MTPAP: variants seen among roughly 807,000 people sequenced by gnomAD.
The protein encoded by MTPAP is poly(A) RNA polymerase, mitochondrial.
MTPAP carries 23 observed loss-of-function variants against 48.7 expected under a neutral mutation model. That is an observed-to-expected ratio of 0.47 (90% CI 0.34 to 0.67). The LOEUF (loss-of-function observed/expected upper bound fraction) is 0.67. Among genes scored for constraint, MTPAP ranks in the 30% least tolerant of loss-of-function variants. The probability of loss-of-function intolerance (pLI) is 0.01; values close to 1 mark genes in which losing one functional copy is unlikely to be tolerated. For missense variants in MTPAP, 614 were observed against 694.3 expected, an observed-to-expected ratio of 0.88 and a Z score of 1.30; for synonymous variants, 257 against 254.1, an observed-to-expected ratio of 1.01 and a Z score of -0.11.
intron 3 of MTPAP, among the ~76,000 whole-genome samples, chr10:30,339,428 A>G (rs554197628): frequency 6.6e-6 from 1 of 151,056 alleles, no homozygotes; most frequent in African/African-American, 2.4e-5. Flanking sequence ...AGTTGCAGTA[A>G]GCCAAGATCA....
rs551413502 is a variant in MTPAP at position 30,331,652 on chromosome 10, C to T, written c.781-5017G>A. ...CGCAATCTCGGCTCACTACAACCTC[C>T]GCCTCCTGGGTTCAAGCGATTCTCC... On this transcript the variant is annotated intron_variant, in intron 4 of 8. Coordinates refer to ENST00000263063, the MANE Select transcript of MTPAP (RefSeq NM_018109.4). Among the ~76,000 whole-genome samples the T allele has an allele frequency of 2.4e-3, 362 of 152,234 alleles. 3 individuals are homozygous for T. Among genetic ancestry groups the T allele is most frequent in the Non-Finnish European group, 2.2e-3 (152 of 68,006 alleles).
At position 30,316,509 on chromosome 10, in the gene MTPAP, A is replaced by C. The variant is rs557162110; in HGVS notation, c.1220-299T>G. Among the ~76,000 whole-genome samples the C allele has an allele frequency of 5.3e-5, 8 of 150,484 alleles. No individual in the cohort carries two copies. In the East Asian group the frequency reaches 1.6e-3, roughly 30 times the overall value. ...CCACCCACCTCATCCTCCCAAAGTG[A>C]GGGGATTACAGGCGTGAGCCACCGC... On this transcript the variant is annotated intron_variant, in intron 6 of 8. Coordinates refer to ENST00000263063, the MANE Select transcript of MTPAP (RefSeq NM_018109.4).
intron 4 of MTPAP, among the ~76,000 whole-genome samples, chr10:30,332,166 T>C (rs560567998): frequency 1.0e-4 from 16 of 152,384 alleles, no homozygotes; most frequent in South Asian, 6.2e-4. Context: ...TTATTTTTAA[T>C]ATTTTTACTA....
intron 5 of MTPAP, among the ~76,000 whole-genome samples, chr10:30,324,157 TG>T (rs1377666198): frequency 6.6e-6 from 1 of 151,918 alleles, no homozygotes; most frequent in Non-Finnish European, 1.5e-5. Flanking sequence ...GCTTCAGTCT[TG>T]GCGACAGAGT....
Position 30,312,874 on chromosome 10 carries a change from A to G in MTPAP, c.*735T>C, listed in dbSNP as rs571704253. 62 of 152,314 alleles carry G rather than the reference A, an allele frequency of 4.1e-4. No homozygotes were observed. Among genetic ancestry groups the G allele is most frequent in the Admixed American group, 2.7e-3 (41 of 15,308 alleles). The allele number at this position is 152,314 out of a possible 1,614,324, so 9.4% of individuals were successfully genotyped here. On this transcript the variant is annotated 3_prime_UTR_variant, in exon 9 of 9. Transcript: ENST00000263063. ...TTTTTGAAAATAGAAAAATCAAACA[A>G]TATTTTTAAAATGCAATCTATTGAT...
At position 30,313,743 on chromosome 10, in the gene MTPAP, TTC is replaced by T; in HGVS notation, c.1613_1614del (p.Arg538LysfsTer10). 6.2e-7 allele frequency: 1 copy of T among 1,614,234 alleles called. No individual in the cohort carries two copies. Among genetic ancestry groups the T allele is most frequent in the Non-Finnish European group, 8.5e-7 (1 of 1,180,022 alleles). ...VSLLLPSAPNRKSFTKKKSNK... is the reference protein window; with the variant it reads ...VSLLLPSAPNXKSFTKKKSNK... ...TTGCTTTTCTTCTTGGTAAAGGACT[TTC>T]TGTTTGGAGCAGATGGTAGCAATAG... On this transcript the variant is annotated frameshift_variant, in exon 9 of 9. Coordinates refer to ENST00000263063, the MANE Select transcript of MTPAP (RefSeq NM_018109.4). LOFTEE classifies it low-confidence loss of function (END_TRUNC).
intron 4 of MTPAP, among the ~76,000 whole-genome samples, chr10:30,334,585 C>G (rs770972347): frequency 1.3e-5 from 2 of 152,036 alleles, no homozygotes; most frequent in Non-Finnish European, 2.9e-5. Context: ...CACTTGAACC[C>G]AGGAGGCAGA....
intron 1 of MTPAP, among the ~76,000 whole-genome samples, chr10:30,344,553 C>T (rs1403596157): frequency 6.6e-6 from 1 of 152,150 alleles, no homozygotes; most frequent in East Asian, 1.9e-4. Context: ...TCCAAGTGGT[C>T]CTTATTTCCT....
Position 30,326,453 on chromosome 10 carries a change from T to C in MTPAP, c.963A>G (p.Gly321=), listed in dbSNP as rs1443446051. Residue 321 remains glycine (G), a synonymous_variant, in exon 5 of 9, where the codon GGA becomes GGG. Transcript: ENST00000263063. ...TGTTCGTAGTCAAATCACACTGAAA[T>C]CCGGAGGCCTGGTGTGAGAACCTCA... is the stretch of plus-strand genomic sequence containing the variant. ...PLVRFSHQAS[G]FQCDLTTNNR... The C allele has an allele frequency of 1.1e-5, 17 of 1,613,974 alleles. No individual in the cohort carries two copies. The highest frequency in any genetic ancestry group is 1.4e-5 in the Non-Finnish European group (17 of 1,180,020).
At chr10:30,319,160 T>C (rs976450873) in intron 6 of MTPAP, among the ~76,000 whole-genome samples, 4 of 151,578 alleles carry the variant, frequency 2.6e-5, no homozygotes, top group African/African-American at 4.9e-5. Flanking sequence ...AGTTCAAGAG[T>C]GGCTAAAGCT....
At chr10:30,318,631 G>A (rs990562115) in intron 6 of MTPAP, among the ~76,000 whole-genome samples, 10 of 152,188 alleles carry the variant, frequency 6.6e-5, no homozygotes, top group African/African-American at 2.2e-4. Context: ...AGAGAACACA[G>A]TGGAGATTAT....
At chr10:30,342,407 T>C (rs1328427185) in intron 1 of MTPAP, among the ~76,000 whole-genome samples, 1 of 152,148 alleles carries the variant, frequency 6.6e-6, no homozygotes, top group East Asian at 1.9e-4. Context: ...CTGTGGACAG[T>C]GAAAACATGG....
intron 6 of MTPAP, among the ~76,000 whole-genome samples, chr10:30,321,761 G>A (rs538518894): frequency 7.2e-5 from 11 of 152,182 alleles, no homozygotes; most frequent in Non-Finnish European, 1.2e-4. Context: ...GTATGCATTT[G>A]TGTGTATGTA....
rs1165876428 is a variant in MTPAP at position 30,311,587 on chromosome 10, ACAGAT to A, written c.*2017_*2021del. The A allele has an allele frequency of 3.3e-5, 5 of 152,190 alleles. No homozygotes were observed. In the East Asian group the frequency reaches 9.6e-4, roughly 29 times the overall value. The allele number at this position is 152,190 out of a possible 1,614,324, so 9.4% of individuals were successfully genotyped here. ...TTGATCTGATCATGATCCCCATTTTACAGATCAAACAGGGGCCCCAAGAGACTGAG... is the reference window on the plus strand; with the variant it reads ...TTGATCTGATCATGATCCCCATTTTACAAACAGGGGCCCCAAGAGACTGAG... On this transcript the variant is annotated 3_prime_UTR_variant, in exon 9 of 9. Transcript: ENST00000263063.
intron 5 of MTPAP, among the ~76,000 whole-genome samples, chr10:30,324,928 T>C (rs1267188069): frequency 1.3e-5 from 2 of 151,714 alleles, no homozygotes; most frequent in Non-Finnish European, 2.9e-5. Context: ...GGAGGTTGCA[T>C]TGCAGTGAGC....
chr10:30,338,543 C>T (rs1028424257), intron 3 of MTPAP, among the ~76,000 whole-genome samples: 1 of 151,876 alleles, frequency 6.6e-6, no homozygotes, highest in Non-Finnish European at 1.5e-5. Flanking sequence ...GGTGTGATGG[C>T]GCGTGCCTGT....
intron 6 of MTPAP, among the ~76,000 whole-genome samples, chr10:30,320,282 C>T (rs1026627367): frequency 1.5e-4 from 22 of 148,234 alleles, no homozygotes; most frequent in African/African-American, 4.9e-4. Flanking sequence ...AATCCCAACA[C>T]TTTGGGAGAA....
Position 30,322,598 on chromosome 10 carries a change from C to A in MTPAP, c.1012G>T (p.Glu338Ter). The change falls in exon 6 of 9, where the codon GAA becomes TAA. Residue 338 changes from glutamate (E) to a stop codon, truncating the protein, a stop_gained. Transcript: ENST00000263063. LOFTEE classifies it high-confidence loss of function. ...AGGGCACCATATATATAAAGGAGTT[C>A]GGAACTTGTCAAGGCAATCCTTCAA... is the stretch of plus-strand genomic sequence containing the variant. ...TNNRIALTSS[E>*]LLYIYGALDS... 1 of 1,612,650 alleles carries A rather than the reference C, an allele frequency of 6.2e-7. No homozygotes were observed. Among genetic ancestry groups the A allele is most frequent in the Non-Finnish European group, 8.5e-7 (1 of 1,179,054 alleles).
In MTPAP at chr10:30,336,974, G is replaced by A. The variant is rs757870607; in HGVS notation, c.609C>T (p.Asn203=). 103 of 1,613,490 alleles carry A rather than the reference G, an allele frequency of 6.4e-5. No homozygotes were observed. The South Asian group carries it at 1.1e-3, about 17-fold the overall frequency. ...AACAGGTGAGATATCGGAGCTTAGTGTTCTCCTCTGTTAGCTGGAACTCCT... is the reference window on the plus strand; with the variant it reads ...AACAGGTGAGATATCGGAGCTTAGTATTCTCCTCTGTTAGCTGGAACTCCT... ...LLKEFQLTEE[N]TKLRYLTCSL... The change falls in exon 4 of 9, where the codon AAC becomes AAT. Residue 203 remains asparagine (N), a synonymous_variant. Transcript: ENST00000263063.
Sources: allele counts gnomAD v4.1 joint callset (sites outside exome capture counted in the v4.1 genomes callset), GRCh38; gene constraint gnomAD v4.1.1; transcripts MANE v1.5; gene names NCBI Gene and HGNC (gene_info 2026-07-23, HGNC 2026-07-21).